The following RBFOX1 variants were observed in gnomAD, a reference collection of about 807,000 sequenced individuals.
RBFOX1 encodes RNA binding fox-1 homolog 1.
RBFOX1 carries 8 observed loss-of-function variants against 57.7 expected under a neutral mutation model. The ratio of observed to expected loss-of-function variants is 0.14; its 90% CI spans 0.08 to 0.25. RBFOX1 has a LOEUF of 0.25. RBFOX1 is among the 10% of genes least tolerant of loss of function. RBFOX1 has a pLI of 1.00. For synonymous variants in RBFOX1, 326 were observed against 222.4 expected, an observed-to-expected ratio of 1.47 and a Z score of -4.15; for missense variants, 611 against 548.5, an observed-to-expected ratio of 1.11 and a Z score of -1.14.
At chr16:6,484,459 A>G (rs938699418) in intron 2 of RBFOX1, among the ~76,000 whole-genome samples, 6 of 152,138 alleles carry the variant, frequency 3.9e-5, no homozygotes, top group Non-Finnish European at 8.8e-5. Flanking sequence ...GTACCATTTT[A>G]TGACATGGAA....
At chr16:6,479,051 C>T (rs1331586973) in intron 2 of RBFOX1, among the ~76,000 whole-genome samples, 4 of 152,126 alleles carry the variant, frequency 2.6e-5, no homozygotes, top group East Asian at 1.9e-4. Flanking sequence ...ATCTGCAAAG[C>T]ATGATAAAGT....
At chr16:6,206,986 C>CTT (rs35769347) in intron 1 of RBFOX1, among the ~76,000 whole-genome samples, 42,500 of 145,780 alleles carry the variant, frequency 0.29, 6,482 homozygotes, top group Admixed American at 0.38. Flanking sequence ...CAGAAAGCTA[C>CTT]TTTTTTTTTT....
chr16:5,735,828 A>G (rs548273456), intron 3 of RBFOX1, among the ~76,000 whole-genome samples: 1 of 152,236 alleles, frequency 6.6e-6, no homozygotes, highest in South Asian at 2.1e-4. Context: ...GTGAGCCAAG[A>G]TGGCACCACT....
chr16:6,642,386 G>A (rs771756212), intron 2 of RBFOX1, among the ~76,000 whole-genome samples: 4 of 152,130 alleles, frequency 2.6e-5, no homozygotes, highest in Non-Finnish European at 5.9e-5. Flanking sequence ...CCAATGCATA[G>A]CTCTTATTTG....
chr16:7,172,833 G>A lies in RBFOX1; in HGVS notation c.27+120735G>A, dbSNP rs186701490. ...AACAGATGGCAGAGTGCCTTCTGAA[G>A]TGAGGGTTTAGAGAACATGGGGAGA... is the stretch of plus-strand genomic sequence containing the variant. On this transcript the variant is annotated intron_variant, in intron 4 of 15. Transcript: ENST00000550418. Among the ~76,000 whole-genome samples, 187 of 152,262 alleles carry A rather than the reference G, an allele frequency of 1.2e-3. 1 individual carries two copies. Among genetic ancestry groups the A allele is most frequent in the African/African-American group, 4.4e-3 (182 of 41,546 alleles).
chr16:6,767,742 C>T (rs1285504558), intron 3 of RBFOX1, among the ~76,000 whole-genome samples: 4 of 151,582 alleles, frequency 2.6e-5, no homozygotes, highest in Non-Finnish European at 5.9e-5. Flanking sequence ...GGTGAAACCC[C>T]ATCTCTACTA....
chr16:7,131,671 G>C lies in RBFOX1; in HGVS notation c.27+79573G>C, dbSNP rs74325360. ...ATAGGCAGAGCTTCCTTAGCATAAA[G>C]TCAATATTGTCTTTTTGCCAGACAG... On this transcript the variant is annotated intron_variant, in intron 4 of 15. Coordinates refer to ENST00000550418, the MANE Select transcript of RBFOX1 (RefSeq NM_018723.4). Among the ~76,000 whole-genome samples, 942 of 151,918 alleles carry C rather than the reference G, an allele frequency of 6.2e-3. 16 individuals carry two copies. The highest frequency in any genetic ancestry group is 0.021 in the African/African-American group (864 of 41,462).
intron 3 of RBFOX1, among the ~76,000 whole-genome samples, chr16:5,713,569 C>T (rs2051573898): frequency 7.9e-5 from 12 of 152,268 alleles, no homozygotes; most frequent in Admixed American, 7.2e-4. Context: ...GTTCTAAAAG[C>T]CCAAACTAGT....
intron 3 of RBFOX1, among the ~76,000 whole-genome samples, chr16:6,930,501 C>T (rs1469390739): frequency 6.6e-6 from 1 of 151,280 alleles, no homozygotes; most frequent in African/African-American, 2.4e-5. Flanking sequence ...CCTCTGCCTT[C>T]TGGGTTCAGG....
At chr16:5,953,975 A>T (rs897787864) in intron 4 of RBFOX1, among the ~76,000 whole-genome samples, 51 of 152,194 alleles carry the variant, frequency 3.4e-4, no homozygotes, top group African/African-American at 1.2e-3. Flanking sequence ...CCCAGGGGAC[A>T]TTTGGAAATG....
intron 14 of RBFOX1, among the ~76,000 whole-genome samples, chr16:7,688,650 G>A (rs2147239384): frequency 6.6e-6 from 1 of 152,122 alleles, no homozygotes; most frequent in South Asian, 2.1e-4. Flanking sequence ...GTGATATGCG[G>A]CAATCCACAG....
intron 2 of RBFOX1, among the ~76,000 whole-genome samples, chr16:6,597,738 C>T (rs527413614): frequency 3.9e-5 from 6 of 152,168 alleles, no homozygotes; most frequent in African/African-American, 1.4e-4. Flanking sequence ...GAAAGAAGTC[C>T]ACAGGAAAGG....
At chr16:5,348,917 C>A (rs1333967078) in intron 1 of RBFOX1, among the ~76,000 whole-genome samples, 5 of 152,174 alleles carry the variant, frequency 3.3e-5, no homozygotes, top group Admixed American at 2.0e-4. Flanking sequence ...AATTTCGTTT[C>A]TTTTGGATAT....
At chr16:7,105,055 C>A (rs936421327) in intron 4 of RBFOX1, among the ~76,000 whole-genome samples, 3 of 152,124 alleles carry the variant, frequency 2.0e-5, no homozygotes, top group South Asian at 2.1e-4. Flanking sequence ...TCTCCACTTA[C>A]ATTCTTCTAG....
intron 4 of RBFOX1, among the ~76,000 whole-genome samples, chr16:7,274,234 A>G (rs970615291): frequency 1.3e-5 from 2 of 152,212 alleles, no homozygotes; most frequent in Non-Finnish European, 2.9e-5. Flanking sequence ...AGTGCTTACT[A>G]TGTTCCGAGT....
chr16:5,620,986 G>A (rs997114852), intron 3 of RBFOX1, among the ~76,000 whole-genome samples: 11 of 152,072 alleles, frequency 7.2e-5, no homozygotes, highest in Middle Eastern at 3.4e-3. Context: ...GACTATAGAC[G>A]CTCGCCACCA....
At chr16:6,297,670 A>G in intron 1 of RBFOX1, among the ~76,000 whole-genome samples, 1 of 151,716 alleles carries the variant, frequency 6.6e-6, no homozygotes, top group East Asian at 1.9e-4. Flanking sequence ...GGCCCACCAC[A>G]CCCCCCTATC....
intron 4 of RBFOX1, among the ~76,000 whole-genome samples, chr16:7,299,263 C>G (rs532305403): frequency 6.6e-6 from 1 of 152,290 alleles, no homozygotes; most frequent in Non-Finnish European, 1.5e-5. Context: ...TGATGTCAGT[C>G]TTTTAGGCAA....
intron 4 of RBFOX1, among the ~76,000 whole-genome samples, chr16:7,173,053 T>A (rs569829031): frequency 9.2e-5 from 14 of 152,276 alleles, no homozygotes; most frequent in South Asian, 8.3e-4. Flanking sequence ...AAGATATTAG[T>A]ACCCAACAAG....
Sources: allele counts gnomAD v4.1 joint callset (sites outside exome capture counted in the v4.1 genomes callset), GRCh38; gene constraint gnomAD v4.1.1; transcripts MANE v1.5; gene names NCBI Gene and HGNC (gene_info 2026-07-23, HGNC 2026-07-21).